The following DAB1 variants were observed in gnomAD, a reference collection of about 807,000 sequenced individuals.
The protein encoded by DAB1 is DAB adaptor protein 1.
Under a neutral mutation model 64.6 loss-of-function variants are expected in DAB1, and 15 were observed. The observed-to-expected ratio is 0.23, with a 90% CI of 0.16 to 0.36. The LOEUF (loss-of-function observed/expected upper bound fraction) is 0.36, where lower values mean the gene tolerates loss of function less well. DAB1 is among the 10% of genes least tolerant of loss of function. The pLI is 1.00. For missense variants in DAB1, 596 were observed against 706.7 expected (o/e 0.84, Z 1.78); for synonymous variants, 235 against 251.9 (o/e 0.93, Z 0.64).
intron 6 of DAB1, among the ~76,000 whole-genome samples, chr1:57,669,554 ATTAAT>A (rs1320058315): frequency 6.6e-6 from 1 of 152,154 alleles, no homozygotes; most frequent in Admixed American, 6.6e-5. Flanking sequence ...CGAGGGTTAA[ATTAAT>A]TTATGTGAAC....
chr1:57,979,480 T>C (rs1410308752), intron 5 of DAB1, among the ~76,000 whole-genome samples: 1 of 152,174 alleles, frequency 6.6e-6, no homozygotes, highest in Non-Finnish European at 1.5e-5. Flanking sequence ...GGTTGATGGG[T>C]GCCAGCAAAC....
intron 5 of DAB1, among the ~76,000 whole-genome samples, chr1:58,095,323 T>C (rs970394739): frequency 5.3e-5 from 8 of 152,218 alleles, no homozygotes; most frequent in Non-Finnish European, 7.3e-5. Context: ...TTTTATGTAC[T>C]GGGTGTTATT....
chr1:57,516,404 T>TGA (rs759303475), intron 7 of DAB1, among the ~76,000 whole-genome samples: 1 of 152,228 alleles, frequency 6.6e-6, no homozygotes, highest in Non-Finnish European at 1.5e-5. Flanking sequence ...GAGACTTTCT[T>TGA]GAATCTCGAA....
rs545666791 is a variant in DAB1, at chr1:58,386,057, G to A, written n.258-42654C>T. ...GCTCTACCTATCTAAGAGCGTTTTCGTATCATTAAAATAAAGGAAGGAAAG... is the reference window on the plus strand; with the variant it reads ...GCTCTACCTATCTAAGAGCGTTTTCATATCATTAAAATAAAGGAAGGAAAG... On this transcript the variant is annotated intron_variant and non_coding_transcript_variant, in intron 3 of 20. Transcript: ENST00000485760. Among the ~76,000 whole-genome samples the A allele has an allele frequency of 5.9e-5, 9 of 152,160 alleles. No individual in the cohort carries two copies. The Middle Eastern group carries it at 0.01, about 173-fold the overall frequency.
intron 7 of DAB1, among the ~76,000 whole-genome samples, chr1:57,548,068 C>T (rs2101468038): frequency 6.6e-6 from 1 of 152,236 alleles, no homozygotes; most frequent in African/African-American, 2.4e-5. Flanking sequence ...TGCCTATTAT[C>T]TGTGTCTATA....
At chr1:57,004,112 C>T (rs1359520791) in intron 14 of DAB1, among the ~76,000 whole-genome samples, 1 of 152,090 alleles carries the variant, frequency 6.6e-6, no homozygotes, top group East Asian at 1.9e-4. Context: ...AAACTGAAGC[C>T]CCAGACACAA....
chr1:57,334,672 C>T (rs1412873423), intron 1 of DAB1, among the ~76,000 whole-genome samples: 3 of 152,268 alleles, frequency 2.0e-5, no homozygotes, highest in Non-Finnish European at 2.9e-5. Context: ...ACTTTCCATA[C>T]GATAAGCATT....
At chr1:57,271,971 G>T (rs1287556705) in intron 2 of DAB1, among the ~76,000 whole-genome samples, 1 of 152,200 alleles carries the variant, frequency 6.6e-6, no homozygotes, top group African/African-American at 2.4e-5. Context: ...GATCTTGGAT[G>T]GAGAAGCTGG....
intron 4 of DAB1, among the ~76,000 whole-genome samples, chr1:58,175,968 T>C (rs1327311259): frequency 1.3e-5 from 2 of 152,346 alleles, no homozygotes; most frequent in South Asian, 2.1e-4. Flanking sequence ...TTCTGGCTTC[T>C]TGTGAAATGA....
intron 1 of DAB1, among the ~76,000 whole-genome samples, chr1:57,835,981 T>C (rs1401347297): frequency 6.6e-6 from 1 of 152,158 alleles, no homozygotes. Context: ...GAATAGTGAT[T>C]CCAGGTATCA....
intron 5 of DAB1, among the ~76,000 whole-genome samples, chr1:57,930,752 A>G (rs1557562280): frequency 6.6e-6 from 1 of 152,176 alleles, no homozygotes; most frequent in African/African-American, 2.4e-5. Context: ...ATTCCAGAAG[A>G]TTTTTTGTCA....
intron 11 of DAB1, among the ~76,000 whole-genome samples, chr1:57,022,568 G>T (rs1646655488): frequency 6.6e-6 from 1 of 152,212 alleles, no homozygotes; most frequent in South Asian, 2.1e-4. Context: ...AACAGGGTAT[G>T]CATTTTTAAT....
intron 7 of DAB1, among the ~76,000 whole-genome samples, chr1:57,511,329 G>A (rs563861796): frequency 2.6e-5 from 4 of 152,140 alleles, no homozygotes; most frequent in African/African-American, 7.2e-5. Flanking sequence ...GGCTTGTGAC[G>A]TTGCAACCAC....
chr1:57,989,362 A>G (rs777665122), intron 5 of DAB1, among the ~76,000 whole-genome samples: 2 of 152,176 alleles, frequency 1.3e-5, no homozygotes, highest in Non-Finnish European at 2.9e-5. Context: ...TACTCACATT[A>G]CACAAAGATC....
In DAB1 at chr1:58,365,995, G is replaced by A. The variant is rs143848786; in HGVS notation, n.258-22592C>T. Among the ~76,000 whole-genome samples, 173 of 152,240 alleles carry A rather than the reference G, an allele frequency of 1.1e-3. 2 individuals carry two copies. The highest frequency in any genetic ancestry group is 3.7e-3 in the African/African-American group (154 of 41,544). On this transcript the variant is annotated intron_variant and non_coding_transcript_variant, in intron 3 of 20. Coordinates refer to the DAB1 transcript ENST00000485760. The stretch of plus-strand genomic sequence containing the variant: ...ACCCCATCACTAGTGGTAGGTACAA[G>A]AAACAGGCCCTGGCAAAAACTACCA...
Position 57,168,386 on chromosome 1 carries a change from G to A in DAB1, c.68-22957C>T, listed in dbSNP as rs72913082. ...TGTGGAGATCACAGTCTTTCCCATTGGAATGACACCTCATTTCTTTATCCT... is the reference window on the plus strand; with the variant it reads ...TGTGGAGATCACAGTCTTTCCCATTAGAATGACACCTCATTTCTTTATCCT... On this transcript the variant is annotated intron_variant, in intron 2 of 14. Transcript: ENST00000371236. 1.5e-3 allele frequency among the ~76,000 whole-genome samples: 228 copies of A among 152,226 alleles called. 1 individual carries two copies. The highest frequency in any genetic ancestry group is 5.3e-3 in the African/African-American group (222 of 41,534).
chr1:57,420,979 C>A (rs1684843766), intron 1 of DAB1, among the ~76,000 whole-genome samples: 1 of 152,158 alleles, frequency 6.6e-6, no homozygotes, highest in Non-Finnish European at 1.5e-5. Flanking sequence ...TAAATCCCAG[C>A]AAAAACAAAA....
intron 7 of DAB1, among the ~76,000 whole-genome samples, chr1:57,547,125 G>A (rs1167569310): frequency 3.2e-4 from 48 of 149,150 alleles, no homozygotes; most frequent in Admixed American, 3.2e-3. Context: ...GGGGGAGAGA[G>A]AGCAGTCAAG....
At chr1:58,135,869 T>G (rs979696849) in intron 5 of DAB1, among the ~76,000 whole-genome samples, 3 of 152,134 alleles carry the variant, frequency 2.0e-5, no homozygotes, top group African/African-American at 7.2e-5. Context: ...GGATTGTGAC[T>G]TGTAGTCAGG....
Sources: gnomAD v4.1 joint callset for allele counts (sites outside exome capture counted in the v4.1 genomes callset) on GRCh38, gnomAD v4.1.1 for gene constraint, MANE v1.5 for transcripts, NCBI Gene and HGNC (gene_info 2026-07-23, HGNC 2026-07-21) for gene names.